The following ZFAT variants were observed in gnomAD, a reference collection of about 807,000 sequenced individuals.
ZFAT encodes zinc finger protein ZFAT.
In ZFAT, 64 loss-of-function variants were observed where a neutral mutation model predicts 117.7. The observed-to-expected ratio is 0.54, with a 90% CI of 0.44 to 0.67. ZFAT has a LOEUF of 0.67. Among genes scored for constraint, ZFAT ranks in the 30% least tolerant of loss-of-function variants. ZFAT has a pLI of 0.00. For synonymous variants in ZFAT, 679 were observed against 615.0 expected (o/e 1.10, Z -1.54); for missense variants, 1,433 against 1,584.5 (o/e 0.90, Z 1.62).
the ZFAT span, among the ~76,000 whole-genome samples, chr8:134,757,844 G>A: frequency 2.0e-5 from 3 of 152,126 alleles, no homozygotes; most frequent in African/African-American, 4.8e-5. Flanking sequence ...TCATGGTCCC[G>A]AGGGGACCAG....
At chr8:134,633,013 T>C (rs1039264017) in intron 3 of ZFAT, among the ~76,000 whole-genome samples, 1 of 152,106 alleles carries the variant, frequency 6.6e-6, no homozygotes, top group Non-Finnish European at 1.5e-5. Flanking sequence ...ACATGGCCCA[T>C]GACGGAAAAA....
At chr8:134,629,525 G>A (rs1367403515) in intron 3 of ZFAT, among the ~76,000 whole-genome samples, 1 of 152,118 alleles carries the variant, frequency 6.6e-6, no homozygotes, top group Non-Finnish European at 1.5e-5. Flanking sequence ...ATGTTGAATT[G>A]GAGGAGAGGC....
In ZFAT at chr8:134,688,321, G is replaced by A. The variant is rs113386219; in HGVS notation, c.19+24524C>T. Among the ~76,000 whole-genome samples the A allele has an allele frequency of 1.5e-3, 235 of 152,106 alleles. 1 individual carries two copies. The highest frequency in any genetic ancestry group is 5.5e-3 in the African/African-American group (227 of 41,458). On this transcript the variant is annotated intron_variant, in intron 1 of 15. Coordinates refer to ENST00000377838, the MANE Select transcript of ZFAT (RefSeq NM_020863.4). ...ACACACACATAAAACATATACATGCGCACACATGCACCCGCAAAACGTGTG... is the reference window on the plus strand; with the variant it reads ...ACACACACATAAAACATATACATGCACACACATGCACCCGCAAAACGTGTG...
intron 12 of ZFAT, among the ~76,000 whole-genome samples, chr8:134,526,407 C>T (rs1351712162): frequency 6.6e-6 from 1 of 152,166 alleles, no homozygotes; most frequent in East Asian, 1.9e-4. Context: ...AATTCTTAGG[C>T]AATGCACAGT....
At chr8:134,808,329 T>G in the ZFAT span, among the ~76,000 whole-genome samples, 1 of 152,224 alleles carries the variant, frequency 6.6e-6, no homozygotes, top group African/African-American at 2.4e-5. Flanking sequence ...GACCAGAGAC[T>G]CAGCCTCCCA....
At chr8:134,569,412 TC>T (rs1183114828) in intron 10 of ZFAT, among the ~76,000 whole-genome samples, 4 of 152,152 alleles carry the variant, frequency 2.6e-5, no homozygotes, top group East Asian at 3.9e-4. Context: ...TGATACAATT[TC>T]CGAAATGGAA....
At chr8:134,815,175 T>C in the ZFAT span, among the ~76,000 whole-genome samples, 6 of 152,220 alleles carry the variant, frequency 3.9e-5, no homozygotes, top group Non-Finnish European at 5.9e-5. Context: ...AGAGTTGTAC[T>C]TTTTACTGCT....
intron 10 of ZFAT, among the ~76,000 whole-genome samples, chr8:134,580,798 A>G (rs1417580935): frequency 6.6e-6 from 1 of 152,244 alleles, no homozygotes; most frequent in African/African-American, 2.4e-5. Context: ...TTCCAACCAC[A>G]TACCATACGC....
chr8:134,655,347 A>G (rs868015279), intron 2 of ZFAT, among the ~76,000 whole-genome samples: 4 of 152,160 alleles, frequency 2.6e-5, no homozygotes, highest in African/African-American at 9.7e-5. Context: ...TTCATTTCCT[A>G]TTTATAAAAG....
At position 134,676,305 on chromosome 8, in the gene ZFAT, G is replaced by A. The variant is rs979796004; in HGVS notation, c.20-18568C>T. Among the ~76,000 whole-genome samples the A allele has an allele frequency of 2.7e-5, 4 of 147,398 alleles. No individual in the cohort carries two copies. The East Asian group carries it at 7.9e-4, about 29-fold the overall frequency. ...CCCAGGGGTTGCAATCCTAGTCTCT[G>A]ATAAAACAGACTTTAAACCAACAAA... On this transcript the variant is annotated intron_variant, in intron 1 of 15. Coordinates refer to ENST00000377838, the MANE Select transcript of ZFAT (RefSeq NM_020863.4).
intron 3 of ZFAT, among the ~76,000 whole-genome samples, chr8:134,628,601 ATTC>A (rs1320966532): frequency 1.3e-5 from 2 of 152,238 alleles, no homozygotes; most frequent in Admixed American, 6.5e-5. Context: ...ATAAAAAAGA[ATTC>A]TTCTTTACCT....
At chr8:134,628,211 A>G (rs1372953334) in intron 3 of ZFAT, among the ~76,000 whole-genome samples, 1 of 152,148 alleles carries the variant, frequency 6.6e-6, no homozygotes, top group East Asian at 1.9e-4. Flanking sequence ...ATATGCCAGG[A>G]TCATTGAAGG....
intron 1 of ZFAT, among the ~76,000 whole-genome samples, chr8:134,677,386 A>C (rs1474109580): frequency 6.6e-6 from 1 of 152,214 alleles, no homozygotes; most frequent in Non-Finnish European, 1.5e-5. Context: ...TCCCAAGACT[A>C]AATCAGGAAG....
At chr8:134,489,109 A>T (rs76306582) in intron 15 of ZFAT, among the ~76,000 whole-genome samples, 4,630 of 152,050 alleles carry the variant, frequency 0.03, 231 homozygotes, top group African/African-American at 0.11. Context: ...TTTTACTCTA[A>T]AATTAATGGG....
At chr8:134,713,900 G>A (rs879516237), upstream of ZFAT, among the ~76,000 whole-genome samples, 1 of 140,740 alleles carries the variant, frequency 7.1e-6, no homozygotes, top group Non-Finnish European at 1.5e-5. Flanking sequence ...TCTGTCAATG[G>A]TCACCCCGTT....
intron 11 of ZFAT, among the ~76,000 whole-genome samples, chr8:134,537,799 A>G (rs1049522991): frequency 3.9e-5 from 6 of 152,190 alleles, no homozygotes; most frequent in Admixed American, 3.9e-4. Flanking sequence ...ATATGGGAAA[A>G]GAAGAGAACA....
chr8:134,710,371 T>G (rs1197788294), intron 1 of ZFAT, among the ~76,000 whole-genome samples: 1 of 152,236 alleles, frequency 6.6e-6, no homozygotes, highest in Non-Finnish European at 1.5e-5. Context: ...CTGTCTCCAA[T>G]GGACTAATGC....
the ZFAT span, chr8:134,797,240 C>T: frequency 3.3e-5 from 5 of 151,936 alleles, no homozygotes; most frequent in Non-Finnish European, 7.4e-5. Flanking sequence ...AATACCCGCC[C>T]CCCACCAAAT....
chr8:134,708,896 G>A (rs773875702), intron 1 of ZFAT, among the ~76,000 whole-genome samples: 15 of 152,154 alleles, frequency 9.9e-5, no homozygotes, highest in Non-Finnish European at 1.5e-4. Context: ...AGGTTGCAGT[G>A]AGCCAAGATC....
Sources: gnomAD v4.1 joint callset for allele counts (sites outside exome capture counted in the v4.1 genomes callset) on GRCh38, gnomAD v4.1.1 for gene constraint, MANE v1.5 for transcripts, NCBI Gene and HGNC (gene_info 2026-07-23, HGNC 2026-07-21) for gene names.